Variants in PCGF5 observed in about 807,000 individuals in gnomAD.
PCGF5 encodes polycomb group RING finger protein 5.
PCGF5 carries 9 observed loss-of-function variants against 44.3 expected under a neutral mutation model. The observed-to-expected ratio is 0.20, with a 90% CI of 0.12 to 0.35. The LOEUF (loss-of-function observed/expected upper bound fraction) is 0.35, where lower values mean the gene tolerates loss of function less well. Ranked by LOEUF, PCGF5 falls within the 10% of genes least tolerant of loss-of-function variation. The pLI is 1.00. For synonymous variants in PCGF5, 95 were observed against 102.5 expected (o/e 0.93, Z 0.44); for missense variants, 146 against 305.3 (o/e 0.48, Z 3.89).
chr10:91,207,822 G>T (rs7899285), intron 1 of PCGF5, among the ~76,000 whole-genome samples: 77,602 of 152,044 alleles, frequency 0.51, 24,125 homozygotes, highest in Non-Finnish European at 0.7. Flanking sequence ...TAGACATTTT[G>T]GGCAGAAACA....
chr10:91,191,387 C>T (rs1266260587), intron 1 of PCGF5, among the ~76,000 whole-genome samples: 5 of 152,092 alleles, frequency 3.3e-5, no homozygotes, highest in African/African-American at 4.8e-5. Context: ...GGATGATTCA[C>T]CACAGAGAGG....
At chr10:91,221,661 T>C (rs1293943404) in intron 1 of PCGF5, among the ~76,000 whole-genome samples, 1 of 151,512 alleles carries the variant, frequency 6.6e-6, no homozygotes, top group Non-Finnish European at 1.5e-5. Context: ...GTTTATAGAA[T>C]GCACTTAGGA....
chr10:91,196,181 G>A (rs1252303392), intron 1 of PCGF5, among the ~76,000 whole-genome samples: 1 of 152,118 alleles, frequency 6.6e-6, no homozygotes, highest in Non-Finnish European at 1.5e-5. Flanking sequence ...ACATGTGACA[G>A]TGCAGCTGAA....
intron 1 of PCGF5, among the ~76,000 whole-genome samples, chr10:91,188,914 A>C (rs1843976734): frequency 6.6e-6 from 1 of 152,352 alleles, no homozygotes; most frequent in East Asian, 1.9e-4. Context: ...TTGAAGAGAA[A>C]GGTAAAGAGG....
chr10:91,217,245 G>C (rs765563187), upstream of PCGF5, among the ~76,000 whole-genome samples: 1 of 152,204 alleles, frequency 6.6e-6, no homozygotes, highest in Non-Finnish European at 1.5e-5. Context: ...GTGTTAGCCA[G>C]GATGGTCTCG....
At chr10:91,237,199 A>T (rs533685534) in intron 2 of PCGF5, among the ~76,000 whole-genome samples, 3 of 152,336 alleles carry the variant, frequency 2.0e-5, no homozygotes, top group African/African-American at 7.2e-5. Flanking sequence ...ATTGAATTAA[A>T]TATATGTTGA....
At chr10:91,233,710 A>T (rs1845073728) in intron 2 of PCGF5, among the ~76,000 whole-genome samples, 1 of 152,224 alleles carries the variant, frequency 6.6e-6, no homozygotes, top group Admixed American at 6.5e-5. Flanking sequence ...CTTCTCTTTG[A>T]ACATGACCAC....
At position 91,222,981 on chromosome 10, in the gene PCGF5, C is replaced by T. The variant is rs1431307337; in HGVS notation, c.110C>T (p.Thr37Ile). 6.4e-7 allele frequency: 1 copy of T among 1,562,318 alleles called. No individual in the cohort carries two copies. Among genetic ancestry groups the T allele is most frequent in the Admixed American group, 1.7e-5 (1 of 59,922 alleles). The change falls in exon 2 of 10, where the codon ACA becomes ATA. Residue 37 changes from threonine (T) to isoleucine (I), a missense_variant and splice_region_variant. By Grantham distance (89) the Thr-to-Ile change is moderately conservative. Transcript: ENST00000336126. Reference protein sequence around the residue: ...KPTTVTECLHTFCKTCIVQHF... With the variant: ...KPTTVTECLHIFCKTCIVQHF... ...ACAACAGTGACGGAATGCCTCCATACATGTAAGTATTCTTTTAGGTTATTA... is the reference window on the plus strand; with the variant it reads ...ACAACAGTGACGGAATGCCTCCATATATGTAAGTATTCTTTTAGGTTATTA...
intron 1 of PCGF5, among the ~76,000 whole-genome samples, chr10:91,189,178 C>T (rs1467089292): frequency 2.0e-5 from 3 of 152,238 alleles, no homozygotes; most frequent in Non-Finnish European, 4.4e-5. Flanking sequence ...CATTCCTTCT[C>T]TTCTTTGCCT....
intron 1 of PCGF5, among the ~76,000 whole-genome samples, chr10:91,179,757 C>T (rs1431476526): frequency 6.6e-6 from 1 of 152,158 alleles, no homozygotes; most frequent in Non-Finnish European, 1.5e-5. Context: ...CATTGATGGG[C>T]ATTTAGTTTG....
rs558323971 is a variant in PCGF5, at chr10:91,184,087, C to T, written c.-184+21006C>T. 2.6e-5 allele frequency among the ~76,000 whole-genome samples: 4 copies of T among 152,160 alleles called. No individual in the cohort carries two copies. The East Asian group carries it at 7.7e-4, about 29-fold the overall frequency. Reference sequence around the variant, plus strand: ...ATCTTACTGGGGTTCTCTGCATTTCCTGAATTTGAAGGTTGGCCTGTCTAG... The same window carrying T: ...ATCTTACTGGGGTTCTCTGCATTTCTTGAATTTGAAGGTTGGCCTGTCTAG... On this transcript the variant is annotated intron_variant, in intron 1 of 9. Coordinates refer to the PCGF5 transcript ENST00000614189.
chr10:91,244,714 C>T (rs542703068), intron 3 of PCGF5, among the ~76,000 whole-genome samples: 10 of 152,144 alleles, frequency 6.6e-5, no homozygotes, highest in Non-Finnish European at 1.0e-4. Flanking sequence ...GAATATATTT[C>T]GAAAGTAGAT....
chr10:91,229,159 A>G (rs1844933723), intron 2 of PCGF5, among the ~76,000 whole-genome samples: 1 of 152,224 alleles, frequency 6.6e-6, no homozygotes, highest in Non-Finnish European at 1.5e-5. Context: ...GTTAGGTGGT[A>G]TTATTTAAGC....
At chr10:91,252,516 G>A (rs1845646220) in intron 6 of PCGF5, among the ~76,000 whole-genome samples, 1 of 152,014 alleles carries the variant, frequency 6.6e-6, no homozygotes, top group African/African-American at 2.4e-5. Context: ...ACTTGGTTAG[G>A]TCTTATACAT....
At chr10:91,244,399 G>GCTGGGGAACAGTGAGTGAGGGACAGAATA in intron 3 of PCGF5, among the ~76,000 whole-genome samples, 2 of 152,276 alleles carry the variant, frequency 1.3e-5, no homozygotes. Flanking sequence ...GACCTGGGCG[G>GCTGGGGAACAGTGAGTGAGGGACAGAATA]CTGGGGAACA....
chr10:91,238,683 A>G (rs1038070418), intron 2 of PCGF5, among the ~76,000 whole-genome samples: 2 of 144,980 alleles, frequency 1.4e-5, no homozygotes, highest in African/African-American at 5.1e-5. Flanking sequence ...GAAAAGAGCA[A>G]ATACCAGCAA....
intron 1 of PCGF5, among the ~76,000 whole-genome samples, chr10:91,201,594 AC>A (rs1461016670): frequency 6.6e-6 from 1 of 152,124 alleles, no homozygotes; most frequent in Non-Finnish European, 1.5e-5. Flanking sequence ...TCCTCCCTCC[AC>A]CCACAGCCCC....
At chr10:91,255,295 G>T (rs759029596) in intron 6 of PCGF5, among the ~76,000 whole-genome samples, 14 of 152,074 alleles carry the variant, frequency 9.2e-5, no homozygotes, top group Non-Finnish European at 1.5e-5. Flanking sequence ...AAATGGAAAA[G>T]CTGGAGAGTG....
intron 3 of PCGF5, among the ~76,000 whole-genome samples, chr10:91,241,746 G>C (rs973357081): frequency 6.6e-6 from 1 of 150,832 alleles, no homozygotes; most frequent in African/African-American, 2.4e-5. Flanking sequence ...TCTCTTATCT[G>C]TGTGATATTT....
Sources: allele counts gnomAD v4.1 joint callset (sites outside exome capture counted in the v4.1 genomes callset), GRCh38; gene constraint gnomAD v4.1.1; transcripts MANE v1.5; gene names NCBI Gene and HGNC (gene_info 2026-07-23, HGNC 2026-07-21).